Variants in ZNF282 observed in about 807,000 individuals in gnomAD.
ZNF282 encodes the protein zinc finger protein 282.
In ZNF282, 30 loss-of-function variants were observed where a neutral mutation model predicts 61.9. The ratio of observed to expected loss-of-function variants is 0.48; its 90% CI spans 0.36 to 0.66. The LOEUF (loss-of-function observed/expected upper bound fraction) is 0.66. Among genes scored for constraint, ZNF282 ranks in the 30% least tolerant of loss-of-function variants. The probability of loss-of-function intolerance (pLI) is 0.00; values close to 1 mark genes in which losing one functional copy is unlikely to be tolerated. For missense variants in ZNF282, 788 were observed against 941.4 expected (o/e 0.84, Z 2.13); for synonymous variants, 396 against 405.0 (o/e 0.98, Z 0.27).
At chr7:149,213,226 A>C (rs892780973) in intron 6 of ZNF282, among the ~76,000 whole-genome samples, 1 of 152,200 alleles carries the variant, frequency 6.6e-6, no homozygotes, top group Non-Finnish European at 1.5e-5. Context: ...TGTCAACTTC[A>C]CCACAGAGAA....
chr7:149,221,344 C>T (rs1020839875), intron 7 of ZNF282, among the ~76,000 whole-genome samples: 7 of 152,104 alleles, frequency 4.6e-5, no homozygotes, highest in Non-Finnish European at 8.8e-5. Flanking sequence ...GCCTGGAGAG[C>T]CAAGTTGGGT....
rs1317354921 is a variant in ZNF282 at position 149,210,566 on chromosome 7, T to C, written c.833-19T>C. 9 of 1,607,048 alleles carry C rather than the reference T, an allele frequency of 5.6e-6. No individual in the cohort carries two copies. Among genetic ancestry groups the C allele is most frequent in the Non-Finnish European group, 7.6e-6 (9 of 1,177,448 alleles). On this transcript the variant is annotated intron_variant, in intron 4 of 7. Coordinates refer to ENST00000610704, the MANE Select transcript of ZNF282 (RefSeq NM_003575.4). ...CTGCAGAAAAAAAGACACAAAGCAA[T>C]GTCATTCTCTGTCCCCAGGAGCAGA...
chr7:149,215,089 C>T (rs1456191578), intron 7 of ZNF282, among the ~76,000 whole-genome samples: 2 of 152,128 alleles, frequency 1.3e-5, no homozygotes, highest in Non-Finnish European at 2.9e-5. Flanking sequence ...CTCGCTAAAA[C>T]CCAGTACCAT....
chr7:149,200,013 A>T (rs954702561), intron 2 of ZNF282, among the ~76,000 whole-genome samples: 1 of 152,166 alleles, frequency 6.6e-6, no homozygotes, highest in South Asian at 2.1e-4. Flanking sequence ...ACATTTTTTT[A>T]GTTTGAATTA....
rs771189248 is a variant in ZNF282, at chr7:149,223,800, CTA to C, written c.1181-10_1181-9del. Reference sequence around the variant, plus strand: ...ACCCCTGTCAGCATGTCACTTCTTCCTATCTCCCCAGGTGACAGCCTGCTGAT... The same window carrying C: ...ACCCCTGTCAGCATGTCACTTCTTCCTCTCCCCAGGTGACAGCCTGCTGAT... On this transcript the variant is annotated splice_polypyrimidine_tract_variant and intron_variant, in intron 7 of 7. Coordinates refer to ENST00000610704, the MANE Select transcript of ZNF282 (RefSeq NM_003575.4). 1 of 1,489,112 alleles carries C rather than the reference CTA, an allele frequency of 6.7e-7. No individual in the cohort carries two copies. The highest frequency in any genetic ancestry group is 1.3e-5 in the South Asian group (1 of 75,772). The allele number at this position is 1,489,112 out of a possible 1,614,324, so 92.2% of individuals were successfully genotyped here.
At chr7:149,217,590 G>A (rs531879655) in intron 7 of ZNF282, among the ~76,000 whole-genome samples, 1 of 151,342 alleles carries the variant, frequency 6.6e-6, no homozygotes, top group Non-Finnish European at 1.5e-5. Flanking sequence ...AGTGAAGAAA[G>A]ACCTTTTCTT....
At chr7:149,220,927 T>TGTTTG (rs1554471494) in intron 7 of ZNF282, among the ~76,000 whole-genome samples, 1 of 107,586 alleles carries the variant, frequency 9.3e-6, no homozygotes, top group East Asian at 5.1e-4. Context: ...GTTTTTTTTT[T>TGTTTG]TTTTTTTTTT....
chr7:149,212,221 T>TGGGGCC, intron 5 of ZNF282, 137 bp from the exon 6 acceptor site: 2 of 590,450 alleles, frequency 3.4e-6, no homozygotes, highest in Non-Finnish European at 5.9e-6. Flanking sequence ...AACCTTTAGT[T>TGGGGCC]AATGAGACTT....
chr7:149,212,221 T>G (rs1796095444), intron 5 of ZNF282, 137 bp from the exon 6 acceptor site: 1 of 590,450 alleles, frequency 1.7e-6, no homozygotes, highest in Non-Finnish European at 2.9e-6. Flanking sequence ...AACCTTTAGT[T>G]AATGAGACTT....
At chr7:149,208,747 G>A (rs1796035233) in intron 4 of ZNF282, among the ~76,000 whole-genome samples, 1 of 151,316 alleles carries the variant, frequency 6.6e-6, no homozygotes, top group African/African-American at 2.4e-5. Flanking sequence ...GGCAGGGCAC[G>A]GTGGCTCACG....
chr7:149,221,668 T>C (rs1283582961), intron 7 of ZNF282, among the ~76,000 whole-genome samples: 1 of 152,084 alleles, frequency 6.6e-6, no homozygotes, highest in African/African-American at 2.4e-5. Flanking sequence ...CCTGCACTGA[T>C]GTGAAGAGAA....
intron 2 of ZNF282, among the ~76,000 whole-genome samples, chr7:149,203,894 A>G (rs1795951881): frequency 6.6e-6 from 1 of 152,200 alleles, no homozygotes; most frequent in African/African-American, 2.4e-5. Context: ...TGTGTTAGTT[A>G]CCTATTGCTG....
rs146901561 is a variant in ZNF282 at position 149,198,989 on chromosome 7, C to T, written c.585+237C>T. Reference sequence around the variant, plus strand: ...ATTTCTGTCTGGGAGCCTTTGCTCTCGCTGTTCCTAGACCCCTCTGAGTTG... The same window carrying T: ...ATTTCTGTCTGGGAGCCTTTGCTCTTGCTGTTCCTAGACCCCTCTGAGTTG... On this transcript the variant is annotated intron_variant, in intron 2 of 7. Transcript: ENST00000610704. The surrounding 1 kb of genome is among the most constrained non-coding windows in gnomAD (Gnocchi z 4.3). Among the ~76,000 whole-genome samples the T allele has an allele frequency of 9.0e-4, 137 of 152,314 alleles. 1 individual carries two copies. Among genetic ancestry groups the T allele is most frequent in the Non-Finnish European group, 1.7e-3 (117 of 68,034 alleles).
At chr7:149,199,516 C>CT (rs1795876473) in intron 2 of ZNF282, among the ~76,000 whole-genome samples, 1 of 152,120 alleles carries the variant, frequency 6.6e-6, no homozygotes, top group African/African-American at 2.4e-5. Context: ...TGCTGTCCGT[C>CT]TTTAACAGAA....
intron 6 of ZNF282, among the ~76,000 whole-genome samples, chr7:149,213,066 C>T (rs34272452): frequency 6.6e-6 from 1 of 152,116 alleles, no homozygotes; most frequent in Non-Finnish European, 1.5e-5. Flanking sequence ...ACAATGGAAG[C>T]CCCACCTGCC....
Position 149,224,205 on chromosome 7 carries a change from A to G in ZNF282, c.1574A>G (p.Lys525Arg), listed in dbSNP as rs865851676. 6.2e-7 allele frequency: 1 copy of G among 1,607,992 alleles called. No homozygotes were observed. Among genetic ancestry groups the G allele is most frequent in the Admixed American group, 1.7e-5 (1 of 59,986 alleles). ...SKPYSCPECG[K>R]SFGVRKSLII... ...CCCTACTCGTGCCCCGAGTGCGGCA[A>G]GAGCTTCGGCGTGCGCAAGAGCCTC... is the stretch of plus-strand genomic sequence containing the variant. Residue 525 changes from lysine (K) to arginine (R), a missense_variant, in exon 8 of 8, where the codon AAG (lysine) becomes AGG (arginine). Physicochemically the swap from Lys to Arg is conservative, Grantham distance 26 (BLOSUM62 2). Transcript: ENST00000610704.
At chr7:149,221,438 G>A (rs569609220) in intron 7 of ZNF282, among the ~76,000 whole-genome samples, 31 of 152,316 alleles carry the variant, frequency 2.0e-4, no homozygotes, top group African/African-American at 7.0e-4. Context: ...GTTGGAAGAC[G>A]GTCAGAGTAG....
chr7:149,219,737 C>T (rs548478033), intron 7 of ZNF282, among the ~76,000 whole-genome samples: 2 of 152,216 alleles, frequency 1.3e-5, no homozygotes, highest in East Asian at 3.9e-4. Context: ...ATCCCAGCTA[C>T]TTGGGAGGCT....
At chr7:149,212,667 G>A (rs12704083) in intron 6 of ZNF282, among the ~76,000 whole-genome samples, 196 bp downstream of exon 6, 80,492 of 152,108 alleles carry the variant, frequency 0.53, 24,474 homozygotes, top group East Asian at 0.87. Context: ...CGCAACCTCC[G>A]TTTCCCGGGT....
Sources: allele counts gnomAD v4.1 joint callset (sites outside exome capture counted in the v4.1 genomes callset), GRCh38; gene constraint gnomAD v4.1.1; non-coding constraint Gnocchi (gnomAD v3.1); transcripts MANE v1.5; gene names NCBI Gene and HGNC (gene_info 2026-07-23, HGNC 2026-07-21).